The following SUCLG2 variants were observed in gnomAD, a reference collection of about 807,000 sequenced individuals.
SUCLG2 encodes succinate--CoA ligase [GDP-forming] subunit beta, mitochondrial.
In SUCLG2, 42 loss-of-function variants were observed where a neutral mutation model predicts 47.9. The ratio of observed to expected loss-of-function variants is 0.88; its 90% CI spans 0.69 to 1.14. SUCLG2 has a LOEUF of 1.14. Among genes scored for constraint, SUCLG2 ranks in the 50% most tolerant of loss-of-function variants. The pLI is 0.00. For missense variants in SUCLG2, 571 were observed against 525.9 expected (o/e 1.09, Z -0.84); for synonymous variants, 195 against 197.3 (o/e 0.99, Z 0.10).
intron 9 of SUCLG2, among the ~76,000 whole-genome samples, chr3:67,467,980 A>T (rs1167997222): frequency 6.6e-6 from 1 of 152,188 alleles, no homozygotes. Flanking sequence ...GAAAATGAAT[A>T]GGAGAGAAAA....
chr3:67,510,345 T>C (rs1352450212), intron 6 of SUCLG2, among the ~76,000 whole-genome samples: 2 of 152,222 alleles, frequency 1.3e-5, no homozygotes, highest in African/African-American at 4.8e-5. Flanking sequence ...CTAGTAGATA[T>C]AAACGAACCC....
chr3:67,481,895 T>C (rs1704928365), intron 9 of SUCLG2, among the ~76,000 whole-genome samples: 1 of 152,204 alleles, frequency 6.6e-6, no homozygotes, highest in African/African-American at 2.4e-5. Flanking sequence ...GAAATAATTG[T>C]TGGCAGGGCG....
At chr3:67,590,015 T>G (rs1010913381) in intron 2 of SUCLG2, among the ~76,000 whole-genome samples, 1 of 152,178 alleles carries the variant, frequency 6.6e-6, no homozygotes, top group Non-Finnish European at 1.5e-5. Flanking sequence ...TGAAATTTTA[T>G]ATTTTGAACA....
intron 9 of SUCLG2, among the ~76,000 whole-genome samples, chr3:67,480,732 C>A (rs1451164422): frequency 2.9e-4 from 44 of 152,146 alleles, no homozygotes; most frequent in Admixed American, 2.9e-3. Flanking sequence ...AGAGACCATC[C>A]CTGAAAGTAA....
chr3:67,434,026 G>C (rs1011121567), intron 9 of SUCLG2, among the ~76,000 whole-genome samples: 4 of 152,176 alleles, frequency 2.6e-5, no homozygotes, highest in Admixed American at 2.6e-4. Context: ...TACACTAGAG[G>C]TTGACAAAGT....
At chr3:67,526,072 T>C (rs1434321540) in intron 4 of SUCLG2, among the ~76,000 whole-genome samples, 1 of 152,208 alleles carries the variant, frequency 6.6e-6, no homozygotes, top group Non-Finnish European at 1.5e-5. Flanking sequence ...AAGTCCAAGA[T>C]CAGTGCACCG....
At chr3:67,529,934 G>C (rs1377463523) in intron 2 of SUCLG2, among the ~76,000 whole-genome samples, 1 of 152,018 alleles carries the variant, frequency 6.6e-6, no homozygotes, top group Non-Finnish European at 1.5e-5. Context: ...GTGACAAATG[G>C]GGCCTTTAGC....
At chr3:67,572,843 G>A (rs1208370381) in intron 2 of SUCLG2, among the ~76,000 whole-genome samples, 1 of 151,622 alleles carries the variant, frequency 6.6e-6, no homozygotes, top group African/African-American at 2.4e-5. Flanking sequence ...GAAAAAAAAA[G>A]GCATTCACAC....
chr3:67,462,378 C>T (rs1005960604), intron 9 of SUCLG2, among the ~76,000 whole-genome samples: 1 of 152,158 alleles, frequency 6.6e-6, no homozygotes, highest in African/African-American at 2.4e-5. Context: ...ATAGACAGGC[C>T]TTTCTGGGTG....
intron 2 of SUCLG2, among the ~76,000 whole-genome samples, chr3:67,550,974 T>C (rs1706999762): frequency 6.6e-6 from 1 of 152,250 alleles, no homozygotes; most frequent in Non-Finnish European, 1.5e-5. Context: ...TACTGGCTTA[T>C]ACTTATACAT....
intron 10 of SUCLG2, among the ~76,000 whole-genome samples, chr3:67,399,769 G>A (rs1266249888): frequency 6.6e-6 from 1 of 152,132 alleles, no homozygotes; most frequent in Non-Finnish European, 1.5e-5. Context: ...AATGGAATAT[G>A]AAAAGTTCAT....
intron 2 of SUCLG2, among the ~76,000 whole-genome samples, chr3:67,560,744 A>G (rs1246682367): frequency 6.6e-6 from 1 of 151,942 alleles, no homozygotes; most frequent in Non-Finnish European, 1.5e-5. Context: ...GCCTCCTCCA[A>G]GTAACTCCTT....
In SUCLG2 at chr3:67,609,442, T is replaced by C. The variant is rs369505812; in HGVS notation, c.226+13A>G. ...TTGGGCAAGTGTATTTCACCCATTA[T>C]GAATCAGCTTACTTAGTCTCTTAGC... On this transcript the variant is annotated intron_variant, in intron 2 of 10. Transcript: ENST00000307227. 1.9e-5 allele frequency: 30 copies of C among 1,608,230 alleles called. No individual in the cohort carries two copies. Among genetic ancestry groups the C allele is most frequent in the Middle Eastern group, 2.2e-4 (1 of 4,582 alleles).
At chr3:67,613,974 A>G (rs995725670) in intron 1 of SUCLG2, among the ~76,000 whole-genome samples, 4 of 151,960 alleles carry the variant, frequency 2.6e-5, no homozygotes, top group African/African-American at 9.7e-5. Context: ...AAATGTAACT[A>G]CTCCAGGCTT....
At chr3:67,611,823 C>T (rs1257989276) in intron 1 of SUCLG2, among the ~76,000 whole-genome samples, 1 of 152,160 alleles carries the variant, frequency 6.6e-6, no homozygotes, top group Non-Finnish European at 1.5e-5. Flanking sequence ...GCTTCACAGA[C>T]ATGTAACATA....
At chr3:67,380,737 A>C (rs1178605419) in intron 10 of SUCLG2, among the ~76,000 whole-genome samples, 2 of 152,042 alleles carry the variant, frequency 1.3e-5, no homozygotes, top group African/African-American at 4.8e-5. Context: ...GAGAGAGACA[A>C]GAGACAGAGT....
chr3:67,619,126 T>G (rs1700685347), intron 1 of SUCLG2, among the ~76,000 whole-genome samples: 1 of 152,234 alleles, frequency 6.6e-6, no homozygotes, highest in Non-Finnish European at 1.5e-5. Context: ...CACAGCAGGT[T>G]GCTATTTTAG....
chr3:67,403,975 T>C, intron 9 of SUCLG2, among the ~76,000 whole-genome samples: 1 of 152,162 alleles, frequency 6.6e-6, no homozygotes, highest in Non-Finnish European at 1.5e-5. Flanking sequence ...AACCTCCGCC[T>C]CCTGGGTTCA....
intron 10 of SUCLG2, chr3:67,360,874 G>T: frequency 2.2e-6 from 2 of 926,660 alleles, no homozygotes; most frequent in Non-Finnish European, 3.0e-6. Context: ...ATTCCTTAAT[G>T]GAAACATCGT....
Sources: allele counts gnomAD v4.1 joint callset (sites outside exome capture counted in the v4.1 genomes callset), GRCh38; gene constraint gnomAD v4.1.1; transcripts MANE v1.5; gene names NCBI Gene and HGNC (gene_info 2026-07-23, HGNC 2026-07-21).